The following PCP4 variants were observed in gnomAD, a reference collection of about 807,000 sequenced individuals.
PCP4 encodes Purkinje cell protein 4, also known as calmodulin regulator protein PCP4.
In PCP4, 8 loss-of-function variants were observed where a neutral mutation model predicts 10.0. That is an observed-to-expected ratio of 0.80 (90% CI 0.47 to 1.45). PCP4 has a LOEUF of 1.45. Among genes scored for constraint, PCP4 ranks in the 40% most tolerant of loss-of-function variants. The pLI is 0.00. For missense variants in PCP4, 54 were observed against 74.4 expected, an observed-to-expected ratio of 0.73 and a Z score of 1.01; for synonymous variants, 21 against 23.0, an observed-to-expected ratio of 0.91 and a Z score of 0.24.
intron 2 of PCP4, among the ~76,000 whole-genome samples, chr21:39,928,401 C>T (rs940095079): frequency 3.3e-5 from 5 of 152,190 alleles, no homozygotes; most frequent in African/African-American, 1.2e-4. Flanking sequence ...CTCAGCAAGC[C>T]ATTTGCCAAG....
intron 2 of PCP4, among the ~76,000 whole-genome samples, chr21:39,912,667 G>A (rs779905893): frequency 1.4e-4 from 21 of 151,990 alleles, no homozygotes; most frequent in South Asian, 2.1e-4. Flanking sequence ...GCCATTTTCC[G>A]GGGTGATTCG....
At chr21:39,901,372 T>C (rs2146338974) in intron 2 of PCP4, among the ~76,000 whole-genome samples, 1 of 152,356 alleles carries the variant, frequency 6.6e-6, no homozygotes, top group East Asian at 1.9e-4. Flanking sequence ...TTGAGGAGCC[T>C]GAAGACCAGG....
At chr21:39,890,067 G>A (rs534348001) in intron 1 of PCP4, among the ~76,000 whole-genome samples, 70 of 152,276 alleles carry the variant, frequency 4.6e-4, no homozygotes, top group African/African-American at 1.6e-3. Context: ...AACAAAGGGT[G>A]GAAGCGAGGC....
At chr21:39,904,371 C>G (rs897174496) in intron 2 of PCP4, among the ~76,000 whole-genome samples, 2 of 152,132 alleles carry the variant, frequency 1.3e-5, no homozygotes, top group African/African-American at 4.8e-5. Flanking sequence ...TATATTTTAT[C>G]TGTCAACTCT....
At chr21:39,901,124 G>A (rs2087480562) in intron 2 of PCP4, among the ~76,000 whole-genome samples, 1 of 152,166 alleles carries the variant, frequency 6.6e-6, no homozygotes. Context: ...TGTTCAATCT[G>A]TTATATCATG....
At chr21:39,904,729 A>C (rs2087498108) in intron 2 of PCP4, among the ~76,000 whole-genome samples, 1 of 152,238 alleles carries the variant, frequency 6.6e-6, no homozygotes, top group African/African-American at 2.4e-5. Context: ...AAGACAGAGC[A>C]GCCTGCGATT....
intron 1 of PCP4, among the ~76,000 whole-genome samples, chr21:39,869,383 C>T (rs532856729): frequency 5.9e-5 from 9 of 152,238 alleles, no homozygotes; most frequent in Non-Finnish European, 1.2e-4. Flanking sequence ...ATCAGGGCAG[C>T]TCTGTAGTCA....
At chr21:39,898,959 T>C (rs1315584413) in intron 2 of PCP4, among the ~76,000 whole-genome samples, 1 of 152,184 alleles carries the variant, frequency 6.6e-6, no homozygotes, top group African/African-American at 2.4e-5. Flanking sequence ...GCGGTGCTGG[T>C]CCACTGGAAG....
chr21:39,887,369 TA>T (rs1323929011), intron 1 of PCP4, among the ~76,000 whole-genome samples: 1 of 150,284 alleles, frequency 6.7e-6, no homozygotes, highest in Admixed American at 6.6e-5. Context: ...TTTTTTTTTT[TA>T]AAAAACCTTC....
chr21:39,927,163 G>C (rs2087625627), intron 2 of PCP4, among the ~76,000 whole-genome samples: 3 of 152,136 alleles, frequency 2.0e-5, no homozygotes, highest in Non-Finnish European at 4.4e-5. Flanking sequence ...AAAATTGAGA[G>C]GAGGCTGCTT....
intron 2 of PCP4, among the ~76,000 whole-genome samples, chr21:39,927,074 A>G (rs1414758335): frequency 2.0e-5 from 3 of 152,222 alleles, no homozygotes; most frequent in Admixed American, 2.0e-4. Context: ...CAAGGCTTCC[A>G]AAGCCAGAGC....
At chr21:39,916,166 T>C (rs970404809) in intron 2 of PCP4, 3 of 152,232 alleles carry the variant, frequency 2.0e-5, no homozygotes, top group African/African-American at 7.2e-5. Flanking sequence ...TTCCATGTGC[T>C]CAGAGAGAAG....
At chr21:39,910,980 C>T (rs968469744) in intron 2 of PCP4, among the ~76,000 whole-genome samples, 4 of 152,296 alleles carry the variant, frequency 2.6e-5, no homozygotes, top group South Asian at 2.1e-4. Flanking sequence ...CAGCATTGTA[C>T]GACGACATTG....
rs2087477141 is a variant in PCP4, at chr21:39,900,338, A to G, written c.61+1811A>G. ...GTGTGAGCCACTGCACCCAGCCAACATTTTTGTTCTCACAACTCCTTTCCA... is the reference window on the plus strand; with the variant it reads ...GTGTGAGCCACTGCACCCAGCCAACGTTTTTGTTCTCACAACTCCTTTCCA... On this transcript the variant is annotated intron_variant, in intron 2 of 2. Coordinates refer to ENST00000328619, the MANE Select transcript of PCP4 (RefSeq NM_006198.3). Among the ~76,000 whole-genome samples, 6 of 152,214 alleles carry G rather than the reference A, an allele frequency of 3.9e-5. No homozygotes were observed. The South Asian group carries it at 1.2e-3, about 32-fold the overall frequency.
chr21:39,910,360 C>T (rs116080321), intron 2 of PCP4, among the ~76,000 whole-genome samples: 27 of 152,260 alleles, frequency 1.8e-4, no homozygotes, highest in African/African-American at 5.5e-4. Flanking sequence ...GACCATGATC[C>T]TCCTCTCACC....
chr21:39,870,707 C>T (rs752104559), intron 1 of PCP4, among the ~76,000 whole-genome samples: 4 of 152,220 alleles, frequency 2.6e-5, no homozygotes, highest in Admixed American at 1.3e-4. Context: ...AATTTAAAAA[C>T]GTGACGCCCT....
At chr21:39,926,139 G>T (rs986673521) in intron 2 of PCP4, 1 of 450,942 alleles carries the variant, frequency 2.2e-6, no homozygotes, top group Non-Finnish European at 4.5e-6. Context: ...CTTCCCCGCC[G>T]CCCCGGGAAC....
chr21:39,889,798 G>T (rs541401006), intron 1 of PCP4, among the ~76,000 whole-genome samples: 50 of 152,156 alleles, frequency 3.3e-4, no homozygotes, highest in Non-Finnish European at 5.9e-4. Flanking sequence ...TTATTAGACT[G>T]CAGTTTGGAC....
chr21:39,902,039 A>G (rs2087484476), intron 2 of PCP4, among the ~76,000 whole-genome samples: 1 of 152,208 alleles, frequency 6.6e-6, no homozygotes, highest in South Asian at 2.1e-4. Flanking sequence ...ACCTAGTATT[A>G]CATTCCATTG....
Sources: gnomAD v4.1 joint callset for allele counts (sites outside exome capture counted in the v4.1 genomes callset) on GRCh38, gnomAD v4.1.1 for gene constraint, MANE v1.5 for transcripts, NCBI Gene and HGNC (gene_info 2026-07-23, HGNC 2026-07-21) for gene names.